PLXNA2: variants seen among roughly 807,000 people sequenced by gnomAD.
The protein encoded by PLXNA2 is plexin A2.
In PLXNA2, 91 loss-of-function variants were observed where a neutral mutation model predicts 193.5. That is an observed-to-expected ratio of 0.47 (90% CI 0.40 to 0.56). PLXNA2 has a LOEUF of 0.56. Among genes scored for constraint, PLXNA2 ranks in the 20% least tolerant of loss-of-function variants. The pLI is 0.00. For missense variants in PLXNA2, 1,995 were observed against 2,503.2 expected, an observed-to-expected ratio of 0.80 and a Z score of 4.33; for synonymous variants, 997 against 1,027.3, an observed-to-expected ratio of 0.97 and a Z score of 0.56.
At chr1:208,084,232 G>A in intron 10 of PLXNA2, 148 bp downstream of exon 10, 1 of 772,196 alleles carries the variant, frequency 1.3e-6, no homozygotes, top group Non-Finnish European at 2.1e-6. Flanking sequence ...AGCGGCTGGG[G>A]TGCTGGCTGG....
chr1:208,135,423 C>T (rs1267340028), intron 4 of PLXNA2, among the ~76,000 whole-genome samples: 1 of 152,154 alleles, frequency 6.6e-6, no homozygotes, highest in Non-Finnish European at 1.5e-5. Context: ...GGAAGACTGC[C>T]TGGAGAGCTA....
At chr1:208,032,726 G>A (rs1297465971) in intron 28 of PLXNA2, among the ~76,000 whole-genome samples, 1 of 152,204 alleles carries the variant, frequency 6.6e-6, no homozygotes, top group Non-Finnish European at 1.5e-5. Flanking sequence ...GGGATGGGAT[G>A]GGAAGAGGAA....
At chr1:208,188,416 A>T (rs1254293212) in intron 3 of PLXNA2, among the ~76,000 whole-genome samples, 2 of 152,194 alleles carry the variant, frequency 1.3e-5, no homozygotes, top group East Asian at 1.9e-4. Flanking sequence ...CATTTGCAAA[A>T]TGGAGATATA....
chr1:208,044,415 T>C lies in PLXNA2; in HGVS notation c.3874+93A>G, dbSNP rs73083027. On this transcript the variant is annotated intron_variant, in intron 20 of 31. Coordinates refer to ENST00000367033, the MANE Select transcript of PLXNA2 (RefSeq NM_025179.4). The surrounding 1 kb of genome is among the most constrained non-coding windows in gnomAD (Gnocchi z 4.9). ...AATGCAGAGGCATGGCTGGCAGCGA[T>C]GGGAGTAAAGATAGGAGTTGTCTGC... The C allele has an allele frequency of 2.3e-3, 1,948 of 852,538 alleles. 28 individuals are homozygous for C. The African/African-American group carries it at 0.029, about 13-fold the overall frequency. 52.8% of individuals were successfully genotyped at this position (852,538 alleles called of 1,614,324 possible).
chr1:208,029,082 G>C, intron 29 of PLXNA2, 40 bp from the exon 30 acceptor site: 1 of 1,609,510 alleles, frequency 6.2e-7, no homozygotes, highest in Non-Finnish European at 8.5e-7. Context: ...ATGCATGCGG[G>C]CCGTGCCCCT....
At chr1:208,177,887 C>G (rs1209685545) in intron 3 of PLXNA2, among the ~76,000 whole-genome samples, 1 of 152,240 alleles carries the variant, frequency 6.6e-6, no homozygotes, top group Non-Finnish European at 1.5e-5. Context: ...TTCTGATGCA[C>G]TCTCAAGTCT....
At chr1:208,206,504 C>T (rs1670727273) in intron 3 of PLXNA2, among the ~76,000 whole-genome samples, 1 of 152,182 alleles carries the variant, frequency 6.6e-6, no homozygotes, top group South Asian at 2.1e-4. Context: ...ACCTTCATTG[C>T]ATATGCTTTG....
chr1:208,098,759 G>C, intron 6 of PLXNA2, 87 bp downstream of exon 6: 1 of 1,455,176 alleles, frequency 6.9e-7, no homozygotes, highest in Non-Finnish European at 9.4e-7. Flanking sequence ...TCAATTTACA[G>C]ATACTTGTGC....
chr1:208,192,370 G>C (rs1406883975), intron 3 of PLXNA2, among the ~76,000 whole-genome samples: 2 of 151,902 alleles, frequency 1.3e-5, no homozygotes, highest in African/African-American at 4.8e-5. Flanking sequence ...CTGTGGTGCA[G>C]GTATGCCTAT....
chr1:208,229,699 A>G (rs1183528885), intron 1 of PLXNA2, among the ~76,000 whole-genome samples: 2 of 152,252 alleles, frequency 1.3e-5, no homozygotes, highest in Non-Finnish European at 2.9e-5. Context: ...TCTTTGAAGA[A>G]TGTATAATCT....
chr1:208,238,889 A>G (rs1315879049), intron 1 of PLXNA2, among the ~76,000 whole-genome samples: 3 of 152,228 alleles, frequency 2.0e-5, no homozygotes, highest in African/African-American at 7.2e-5. Context: ...TTGGCGGGCC[A>G]GCCAGCAGAT....
Position 208,044,422 on chromosome 1 carries a change from A to G in PLXNA2, c.3874+86T>C. 2.2e-6 allele frequency: 2 copies of G among 921,600 alleles called. No homozygotes were observed. Among genetic ancestry groups the G allele is most frequent in the Non-Finnish European group, 3.5e-6 (2 of 575,014 alleles). 57.1% of individuals were successfully genotyped at this position (921,600 alleles called of 1,614,324 possible). On this transcript the variant is annotated intron_variant, in intron 20 of 31. Coordinates refer to ENST00000367033, the MANE Select transcript of PLXNA2 (RefSeq NM_025179.4). The surrounding 1 kb of genome is among the most constrained non-coding windows in gnomAD (Gnocchi z 4.9). ...AGGCATGGCTGGCAGCGATGGGAGT[A>G]AAGATAGGAGTTGTCTGCAGGGAGA... is the stretch of plus-strand genomic sequence containing the variant.
intron 17 of PLXNA2, 133 bp from the exon 18 acceptor site, chr1:208,046,250 G>A: frequency 1.7e-6 from 2 of 1,188,532 alleles, no homozygotes; most frequent in East Asian, 2.6e-5. Flanking sequence ...CCATTCCATG[G>A]GAAAGCCCTC....
intron 4 of PLXNA2, among the ~76,000 whole-genome samples, chr1:208,127,509 C>G (rs1668009877): frequency 6.6e-6 from 1 of 152,338 alleles, no homozygotes; most frequent in South Asian, 2.1e-4. Context: ...AACAGCCACC[C>G]TCCACTTCCC....
chr1:208,205,385 C>T (rs367988688), intron 3 of PLXNA2, among the ~76,000 whole-genome samples: 4 of 152,306 alleles, frequency 2.6e-5, no homozygotes, highest in South Asian at 2.1e-4. Flanking sequence ...TTTCCCTCCC[C>T]TACATCTGGC....
At chr1:208,049,115 A>G (rs930045462) in intron 17 of PLXNA2, among the ~76,000 whole-genome samples, 4 of 152,032 alleles carry the variant, frequency 2.6e-5, no homozygotes, top group African/African-American at 9.7e-5. Context: ...AACCACATAA[A>G]GACTCTTGCC....
At chr1:208,227,257 A>T (rs1167218391) in intron 1 of PLXNA2, among the ~76,000 whole-genome samples, 2 of 152,216 alleles carry the variant, frequency 1.3e-5, no homozygotes, top group African/African-American at 4.8e-5. Flanking sequence ...AAGAGTAGCT[A>T]CTATTATTAT....
At chr1:208,079,219 C>G (rs1167038094) in intron 12 of PLXNA2, 41 bp downstream of exon 12, 6 of 1,552,774 alleles carry the variant, frequency 3.9e-6, no homozygotes, top group Non-Finnish European at 4.4e-6. Flanking sequence ...GGGGTCAGCT[C>G]TTGGCCACCC....
chr1:208,070,268 C>T (rs549055106), intron 12 of PLXNA2, among the ~76,000 whole-genome samples: 1 of 152,194 alleles, frequency 6.6e-6, no homozygotes, highest in Non-Finnish European at 1.5e-5. Context: ...CCATGCCTTG[C>T]TGCTTTCCAA....
Sources: allele counts gnomAD v4.1 joint callset (sites outside exome capture counted in the v4.1 genomes callset), GRCh38; gene constraint gnomAD v4.1.1; non-coding constraint Gnocchi (gnomAD v3.1); transcripts MANE v1.5; gene names NCBI Gene and HGNC (gene_info 2026-07-23, HGNC 2026-07-21).